The following PTPRK variants were observed in gnomAD, a reference collection of about 807,000 sequenced individuals.
The protein encoded by PTPRK is receptor-type tyrosine-protein phosphatase kappa.
In PTPRK, 75 loss-of-function variants were observed where a neutral mutation model predicts 178.0. That is an observed-to-expected ratio of 0.42 (90% CI 0.35 to 0.51). PTPRK has a LOEUF of 0.51. PTPRK is among the 20% of genes least tolerant of loss of function. The pLI is 0.02. For synonymous variants in PTPRK, 637 were observed against 620.6 expected, an observed-to-expected ratio of 1.03 and a Z score of -0.39; for missense variants, 1,441 against 1,797.8, an observed-to-expected ratio of 0.80 and a Z score of 3.59.
At chr6:128,239,394 C>A (rs144305624) in intron 5 of PTPRK, among the ~76,000 whole-genome samples, 2 of 152,286 alleles carry the variant, frequency 1.3e-5, no homozygotes, top group African/African-American at 4.8e-5. Flanking sequence ...TCTATAAATT[C>A]TCTGAAGGCA....
At position 128,067,572 on chromosome 6, in the gene PTPRK, C is replaced by A; in HGVS notation, c.2104G>T (p.Ala702Ser). 2 of 1,611,404 alleles carry A rather than the reference C, an allele frequency of 1.2e-6. No individual in the cohort carries two copies. Among genetic ancestry groups the A allele is most frequent in the Middle Eastern group, 1.7e-4 (1 of 6,044 alleles). ...TYQGFWNPPL[A>S]PRKGYNIYFQ... ...TAGATGTTGTATCCTTTGCGCGGAGCCAAAGGAGGGTTCCAAAAGCCTTGG... is the reference window on the plus strand; with the variant it reads ...TAGATGTTGTATCCTTTGCGCGGAGACAAAGGAGGGTTCCAAAAGCCTTGG... The change falls in exon 12 of 30, where the codon GCT (alanine) becomes TCT (serine). Residue 702 changes from alanine (A) to serine (S), a missense_variant. Coordinates refer to ENST00000368226, the MANE Select transcript of PTPRK (RefSeq NM_002844.4).
At position 128,203,906 on chromosome 6, in the gene PTPRK, A is replaced by G. The variant is rs557759726; in HGVS notation, c.868+15016T>C. On this transcript the variant is annotated intron_variant, in intron 6 of 29. Coordinates refer to ENST00000368226, the MANE Select transcript of PTPRK (RefSeq NM_002844.4). ...TTAGACTACTATTGATGTTCCTCAT[A>G]AAATTAGAAAAAAACTATTTTAAAA... Among the ~76,000 whole-genome samples, 10 of 152,322 alleles carry G rather than the reference A, an allele frequency of 6.6e-5. No homozygotes were observed. In the East Asian group the frequency reaches 1.9e-3, roughly 29 times the overall value.
At chr6:128,469,216 C>T (rs1850288465) in intron 1 of PTPRK, among the ~76,000 whole-genome samples, 5 of 152,150 alleles carry the variant, frequency 3.3e-5, no homozygotes, top group Admixed American at 3.3e-4. Flanking sequence ...ATTAAGCCAT[C>T]TATCAAGAAA....
chr6:128,493,589 C>CACACACACA (rs1854199659), intron 1 of PTPRK, among the ~76,000 whole-genome samples: 1 of 111,870 alleles, frequency 8.9e-6, no homozygotes, highest in African/African-American at 3.5e-5. Flanking sequence ...CCTCCCGCCC[C>CACACACACA]CTACACACAC....
chr6:128,199,551 G>A (rs1805521151), intron 6 of PTPRK, among the ~76,000 whole-genome samples: 1 of 122,004 alleles, frequency 8.2e-6, no homozygotes, highest in African/African-American at 3.2e-5. Context: ...TTTTCCATAT[G>A]CCTACAATAT....
rs1165239639 is a variant in PTPRK at position 128,113,632 on chromosome 6, A to C, written c.1163-23640T>G. ...TGAAAATATTACACCATTTTGTGTA[A>C]GGGACTTGAGCATCTGCAGATTTTG... On this transcript the variant is annotated intron_variant, in intron 7 of 29. Transcript: ENST00000368226. Among the ~76,000 whole-genome samples, 3 of 152,094 alleles carry C rather than the reference A, an allele frequency of 2.0e-5. No homozygotes were observed. In the East Asian group the frequency reaches 5.8e-4, roughly 29 times the overall value.
intron 2 of PTPRK, among the ~76,000 whole-genome samples, chr6:128,384,295 G>C (rs1275358116): frequency 4.0e-5 from 6 of 151,872 alleles, no homozygotes; most frequent in East Asian, 3.9e-4. Flanking sequence ...AACTTTTCTT[G>C]GTTTAAAAAC....
At chr6:128,119,659 T>C (rs967837459) in intron 7 of PTPRK, among the ~76,000 whole-genome samples, 3 of 152,058 alleles carry the variant, frequency 2.0e-5, no homozygotes, top group African/African-American at 4.8e-5. Flanking sequence ...AAGACTTCTG[T>C]TGTATACAGG....
intron 1 of PTPRK, among the ~76,000 whole-genome samples, chr6:128,413,098 T>C (rs1356872499): frequency 5.9e-5 from 9 of 152,336 alleles, no homozygotes; most frequent in Non-Finnish European, 1.3e-4. Flanking sequence ...GAAGGGCATT[T>C]AGTTTACTAG....
chr6:128,035,401 C>T (rs1012823467), intron 13 of PTPRK, among the ~76,000 whole-genome samples: 2 of 145,700 alleles, frequency 1.4e-5, no homozygotes, highest in South Asian at 2.1e-4. Context: ...TACATTAATG[C>T]TCTTTTTATC....
chr6:128,364,402 A>C (rs1453814134), intron 2 of PTPRK, among the ~76,000 whole-genome samples: 4 of 152,118 alleles, frequency 2.6e-5, no homozygotes, highest in Non-Finnish European at 5.9e-5. Context: ...TAGTTACAGA[A>C]GTTTGCATTA....
intron 13 of PTPRK, among the ~76,000 whole-genome samples, chr6:128,045,525 C>T (rs1013352465): frequency 2.0e-5 from 3 of 151,890 alleles, no homozygotes; most frequent in African/African-American, 7.2e-5. Context: ...AAAGGCAGAA[C>T]TTCTATTCAT....
chr6:128,352,338 T>G (rs1047339362), intron 2 of PTPRK, among the ~76,000 whole-genome samples: 9 of 151,110 alleles, frequency 6.0e-5, no homozygotes, highest in Non-Finnish European at 1.3e-4. Context: ...CAACTTTAAA[T>G]GTAAAACACT....
At chr6:128,083,918 A>G (rs1348921574) in intron 8 of PTPRK, 94 bp from the exon 9 acceptor site, 5 of 535,452 alleles carry the variant, frequency 9.3e-6, no homozygotes, top group Non-Finnish European at 1.5e-5. Context: ...TTAAAAATAA[A>G]TATAAAGAAA....
At chr6:128,507,391 G>C (rs1172749382) in intron 1 of PTPRK, among the ~76,000 whole-genome samples, 2 of 152,100 alleles carry the variant, frequency 1.3e-5, no homozygotes, top group Non-Finnish European at 2.9e-5. Flanking sequence ...GGCCATGTGG[G>C]CCTCTTTTAA....
chr6:127,996,225 C>T (rs1023395199), intron 17 of PTPRK, among the ~76,000 whole-genome samples: 1 of 151,924 alleles, frequency 6.6e-6, no homozygotes, highest in South Asian at 2.1e-4. Context: ...ATTAAAGGCA[C>T]GTGGAAAGAA....
chr6:128,024,789 A>G (rs2326672), intron 13 of PTPRK, among the ~76,000 whole-genome samples: 38,342 of 152,012 alleles, frequency 0.25, 7,076 homozygotes, highest in African/African-American at 0.52. Flanking sequence ...CAGCCTGAGT[A>G]ACAGAGCAAG....
intron 3 of PTPRK, among the ~76,000 whole-genome samples, chr6:128,249,011 T>C (rs2128288035): frequency 6.6e-6 from 1 of 152,224 alleles, no homozygotes; most frequent in South Asian, 2.1e-4. Context: ...TGCCTTTTTT[T>C]ATAGTAAGAG....
At chr6:128,185,057 T>G (rs1802536194) in intron 6 of PTPRK, among the ~76,000 whole-genome samples, 1 of 152,186 alleles carries the variant, frequency 6.6e-6, no homozygotes, top group Non-Finnish European at 1.5e-5. Flanking sequence ...AGAGTAGAGT[T>G]GATCTTTGAC....
Sources: allele counts gnomAD v4.1 joint callset (sites outside exome capture counted in the v4.1 genomes callset), GRCh38; gene constraint gnomAD v4.1.1; transcripts MANE v1.5; gene names NCBI Gene and HGNC (gene_info 2026-07-23, HGNC 2026-07-21).